Variants in C1QTNF7 observed in about 807,000 individuals in gnomAD.
C1QTNF7 encodes C1q and TNF related 7, also known as complement C1q tumor necrosis factor-related protein 7.
In C1QTNF7, 15 loss-of-function variants were observed where a neutral mutation model predicts 19.6. The ratio of observed to expected loss-of-function variants is 0.76; its 90% CI spans 0.51 to 1.18. The LOEUF (loss-of-function observed/expected upper bound fraction) is 1.18. C1QTNF7 is among the 50% of genes most tolerant of loss of function. The pLI, the probability that C1QTNF7 is intolerant of heterozygous loss-of-function variation, is 0.00. For missense variants in C1QTNF7, 324 were observed against 359.7 expected, an observed-to-expected ratio of 0.90 and a Z score of 0.80; for synonymous variants, 142 against 137.5, an observed-to-expected ratio of 1.03 and a Z score of -0.23.
chr4:15,342,956 T>G (rs917576439), intron 1 of C1QTNF7, among the ~76,000 whole-genome samples: 2 of 152,202 alleles, frequency 1.3e-5, no homozygotes, highest in African/African-American at 4.8e-5. Flanking sequence ...TTTCTTTATC[T>G]GTTAAATGAA....
chr4:15,415,885 T>C (rs1194178930), intron 1 of C1QTNF7, among the ~76,000 whole-genome samples: 2 of 152,226 alleles, frequency 1.3e-5, no homozygotes, highest in Non-Finnish European at 2.9e-5. Context: ...CACAGATTTT[T>C]AAGAACTGCA....
chr4:15,368,585 C>T (rs1207129899), intron 1 of C1QTNF7, among the ~76,000 whole-genome samples: 1 of 152,178 alleles, frequency 6.6e-6, no homozygotes, highest in Admixed American at 6.5e-5. Context: ...ATGATGGTTT[C>T]CAGCTTCATC....
At chr4:15,361,012 T>C (rs1447573028) in intron 1 of C1QTNF7, among the ~76,000 whole-genome samples, 1 of 152,198 alleles carries the variant, frequency 6.6e-6, no homozygotes, top group Non-Finnish European at 1.5e-5. Context: ...CTCTTCCTCA[T>C]CTATTATCTT....
At chr4:15,433,563 C>A (rs1371034064) in intron 1 of C1QTNF7, among the ~76,000 whole-genome samples, 1 of 152,194 alleles carries the variant, frequency 6.6e-6, no homozygotes, top group Non-Finnish European at 1.5e-5. Context: ...GGTAACAAGA[C>A]AAGAACTTAA....
chr4:15,380,410 T>A (rs550868843), intron 1 of C1QTNF7, among the ~76,000 whole-genome samples: 2 of 152,342 alleles, frequency 1.3e-5, no homozygotes, highest in East Asian at 3.9e-4. Flanking sequence ...GCTTTTATTT[T>A]TATGGTGGCA....
chr4:15,374,939 G>T (rs1717877724), intron 1 of C1QTNF7, among the ~76,000 whole-genome samples: 1 of 151,816 alleles, frequency 6.6e-6, no homozygotes, highest in African/African-American at 2.4e-5. Flanking sequence ...TCCTCTGGGG[G>T]TTGCTTCTGC....
chr4:15,364,554 A>C (rs1471852699), intron 1 of C1QTNF7, among the ~76,000 whole-genome samples: 1 of 152,230 alleles, frequency 6.6e-6, no homozygotes, highest in Non-Finnish European at 1.5e-5. Flanking sequence ...AACATTTGCC[A>C]TAGAATATTA....
At chr4:15,388,685 G>A (rs147898003) in intron 1 of C1QTNF7, among the ~76,000 whole-genome samples, 153 of 152,284 alleles carry the variant, frequency 1.0e-3, no homozygotes, top group African/African-American at 3.6e-3. Flanking sequence ...AGACAAGACC[G>A]TTGGAAGAAA....
chr4:15,399,328 C>G (rs1314368906), intron 1 of C1QTNF7, among the ~76,000 whole-genome samples: 1 of 152,150 alleles, frequency 6.6e-6, no homozygotes, highest in Non-Finnish European at 1.5e-5. Flanking sequence ...GGAGGAAGCC[C>G]TCTCCTGTTC....
At chr4:15,340,754 G>A (rs530979239) in intron 1 of C1QTNF7, among the ~76,000 whole-genome samples, 1 of 152,138 alleles carries the variant, frequency 6.6e-6, no homozygotes, top group South Asian at 2.1e-4. Flanking sequence ...TAATTGACAC[G>A]GGAGGATGTT....
chr4:15,353,770 A>T (rs962915069), intron 1 of C1QTNF7, among the ~76,000 whole-genome samples: 1 of 106,736 alleles, frequency 9.4e-6, no homozygotes, highest in South Asian at 2.6e-4. Flanking sequence ...AGGAAGATTA[A>T]AAAAAAAAAA....
rs1471114191 is a variant in C1QTNF7 at position 15,444,120 on chromosome 4, C to T, written c.*1321C>T. 1.3e-5 allele frequency: 2 copies of T among 152,160 alleles called. No individual in the cohort carries two copies. Among genetic ancestry groups the T allele is most frequent in the East Asian group, 3.9e-4 (2 of 5,172 alleles). The allele number at this position is 152,160 out of a possible 1,614,324, so 9.4% of individuals were successfully genotyped here. ...CTATGGTTTATGGTAATAGTATTCC[C>T]TTTATCCCTCCCTTTTGGTAACTTC... On this transcript the variant is annotated 3_prime_UTR_variant, in exon 3 of 3. Coordinates refer to ENST00000444304, the MANE Select transcript of C1QTNF7 (RefSeq NM_031911.5).
intron 1 of C1QTNF7, chr4:15,374,862 T>C: frequency 1.7e-6 from 1 of 599,456 alleles, no homozygotes; most frequent in Non-Finnish European, 2.0e-6. Context: ...TTTCTCTCTC[T>C]CTCTCTCTCT....
intron 1 of C1QTNF7, among the ~76,000 whole-genome samples, chr4:15,396,156 G>A (rs890634488): frequency 4.6e-5 from 7 of 152,130 alleles, no homozygotes; most frequent in African/African-American, 1.4e-4. Flanking sequence ...CTTGACCAGG[G>A]CACCAGCAAT....
At chr4:15,373,524 C>T (rs1345105549) in intron 1 of C1QTNF7, among the ~76,000 whole-genome samples, 5 of 152,274 alleles carry the variant, frequency 3.3e-5, no homozygotes, top group African/African-American at 9.6e-5. Context: ...CTAACCACAA[C>T]AAAATGAGGT....
chr4:15,345,436 G>A (rs1016044176), intron 1 of C1QTNF7, among the ~76,000 whole-genome samples: 3 of 152,156 alleles, frequency 2.0e-5, no homozygotes, highest in Non-Finnish European at 2.9e-5. Flanking sequence ...CAGATGCACC[G>A]ACCCCCAGTC....
chr4:15,441,286 C>A (rs78927214), intron 2 of C1QTNF7, among the ~76,000 whole-genome samples: 10,219 of 152,296 alleles, frequency 0.067, 1,094 homozygotes, highest in African/African-American at 0.23. Context: ...TCAGCTTCCT[C>A]ATTTGCAATG....
intron 1 of C1QTNF7, among the ~76,000 whole-genome samples, chr4:15,346,358 C>T (rs148408066): frequency 2.5e-3 from 384 of 152,160 alleles, no homozygotes; most frequent in African/African-American, 7.9e-3. Context: ...TTAATTAAGA[C>T]GAATTATAGA....
chr4:15,382,538 C>T (rs540505015), intron 1 of C1QTNF7, among the ~76,000 whole-genome samples: 2 of 152,306 alleles, frequency 1.3e-5, no homozygotes, highest in East Asian at 3.9e-4. Flanking sequence ...AATTAACATA[C>T]CTGTCCCACC....
Sources: allele counts gnomAD v4.1 joint callset (sites outside exome capture counted in the v4.1 genomes callset), GRCh38; gene constraint gnomAD v4.1.1; transcripts MANE v1.5; gene names NCBI Gene and HGNC (gene_info 2026-07-23, HGNC 2026-07-21).